KIAA1755: variants seen among roughly 807,000 people sequenced by gnomAD.
KIAA1755 encodes the protein KIAA1755.
KIAA1755 carries 68 observed loss-of-function variants against 91.7 expected under a neutral mutation model. The observed-to-expected ratio is 0.74, with a 90% CI of 0.61 to 0.91. The LOEUF (loss-of-function observed/expected upper bound fraction) is 0.91. KIAA1755 is among the 40% of genes least tolerant of loss of function. The pLI is 0.00. For missense variants in KIAA1755, 1,535 were observed against 1,494.4 expected (o/e 1.03, Z -0.45); for synonymous variants, 610 against 604.6 (o/e 1.01, Z -0.13).
chr20:38,222,848 TGCCCTCTG>T, intron 9 of KIAA1755: 1 of 577,306 alleles, frequency 1.7e-6, no homozygotes, highest in Non-Finnish European at 3.1e-6. Flanking sequence ...ATCTCCCTGC[TGCCCTCTG>T]GCTCCCCCTA....
intron 7 of KIAA1755, 49 bp from the exon 8 acceptor site, chr20:38,225,830 C>G: frequency 8.4e-7 from 1 of 1,187,534 alleles, no homozygotes; most frequent in South Asian, 1.5e-5. Context: ...TGAGGACAGT[C>G]ATTTTAGAAG....
chr20:38,241,837 G>A lies in KIAA1755; in HGVS notation c.294C>T (p.Leu98=). The A allele has an allele frequency of 6.2e-7, 1 of 1,614,188 alleles. No homozygotes were observed. Among genetic ancestry groups the A allele is most frequent in the Non-Finnish European group, 8.5e-7 (1 of 1,180,032 alleles). ...GGTAGAAGTCACCCTGGCGCAATAAGAGAGGGTTGAGGGGTGCCAAGTGGA... is the reference window on the plus strand; with the variant it reads ...GGTAGAAGTCACCCTGGCGCAATAAAAGAGGGTTGAGGGGTGCCAAGTGGA... ...VVVHLAPLNP[L]LLRQGDFYLQ... is the part of the protein sequence containing the mutation. Residue 98 remains leucine, a synonymous_variant, in exon 3 of 14, where the codon CTC becomes CTT. Transcript: ENST00000279024.
At chr20:38,236,806 T>C (rs180763578) in intron 4 of KIAA1755, 1 of 152,198 alleles carries the variant, frequency 6.6e-6, no homozygotes, top group African/African-American at 2.4e-5. Context: ...CACAGACAAC[T>C]GCTTTGTGGA....
At chr20:38,246,232 C>T in intron 1 of KIAA1755, 106 bp from the exon 2 acceptor site, 1 of 889,712 alleles carries the variant, frequency 1.1e-6, no homozygotes, top group Non-Finnish European at 1.7e-6. Flanking sequence ...TGCTAATTCT[C>T]TGACCTCCTC....
At chr20:38,256,539 A>G (rs749246165) in intron 1 of KIAA1755, among the ~76,000 whole-genome samples, 1 of 152,180 alleles carries the variant, frequency 6.6e-6, no homozygotes, top group African/African-American at 2.4e-5. Flanking sequence ...GTGGCGACTC[A>G]TGCCTATAAT....
intron 4 of KIAA1755, among the ~76,000 whole-genome samples, chr20:38,238,056 T>C (rs894350234): frequency 2.0e-5 from 3 of 152,090 alleles, no homozygotes; most frequent in African/African-American, 7.2e-5. Context: ...CCTATCTGTC[T>C]ATTCTCCTCC....
rs746079183 is a variant in KIAA1755 at position 38,217,234 on chromosome 20, G to T, written c.2901+19C>A. On this transcript the variant is annotated intron_variant, in intron 13 of 13. Coordinates refer to ENST00000279024, the MANE Select transcript of KIAA1755 (RefSeq NM_001029864.2). ...CAGGGGATCGGGGGGTATCTGTGCA[G>T]GTGGGCCGCGGGGCTCACCCTCTTG... The T allele has an allele frequency of 2.1e-5, 33 of 1,574,822 alleles. No individual in the cohort carries two copies. Among genetic ancestry groups the T allele is most frequent in the Middle Eastern group, 1.7e-4 (1 of 5,902 alleles).
intron 1 of KIAA1755, among the ~76,000 whole-genome samples, chr20:38,249,605 C>G (rs1049724432): frequency 1.3e-5 from 2 of 152,134 alleles, no homozygotes; most frequent in Non-Finnish European, 2.9e-5. Flanking sequence ...GAATGAGTGT[C>G]CACAGCCCAT....
chr20:38,249,811 C>T (rs1220097046), intron 1 of KIAA1755, among the ~76,000 whole-genome samples: 4 of 152,034 alleles, frequency 2.6e-5, no homozygotes, highest in African/African-American at 7.2e-5. Context: ...CCAACCCCCA[C>T]CAATCATGGT....
rs558927140 is a variant in KIAA1755 at position 38,217,213 on chromosome 20, G to T, written c.2901+40C>A. On this transcript the variant is annotated intron_variant, in intron 13 of 13. Transcript: ENST00000279024. ...TGTCCCCACCATAGCCCCAGCCAGG[G>T]GATCGGGGGGTATCTGTGCAGGTGG... 805 of 1,518,972 alleles carry T rather than the reference G, an allele frequency of 5.3e-4. 10 individuals carry two copies. Among genetic ancestry groups the T allele is most frequent in the South Asian group, 5.2e-3 (438 of 84,088 alleles). The allele number at this position is 1,518,972 out of a possible 1,614,324, so 94.1% of individuals were successfully genotyped here. A position where few individuals can be genotyped will look rare whatever the true frequency, so the allele number is the denominator to read the frequency against.
chr20:38,213,321 C>T lies in KIAA1755; in HGVS notation c.3324G>A (p.Trp1108Ter), dbSNP rs776417747. 1 of 1,613,114 alleles carries T rather than the reference C, an allele frequency of 6.2e-7. No homozygotes were observed. The highest frequency in any genetic ancestry group is 1.1e-5 in the South Asian group (1 of 90,878). Residue 1108 changes from tryptophan (W) to a stop codon, truncating the protein, a stop_gained, in exon 14 of 14, where the codon TGG becomes TGA. Coordinates refer to ENST00000279024, the MANE Select transcript of KIAA1755 (RefSeq NM_001029864.2). LOFTEE classifies it low-confidence loss of function (END_TRUNC). ...LGMDHLPKSYWPPGPPRGEQN... is the reference protein window; with the variant it reads ...LGMDHLPKSY The stretch of plus-strand genomic sequence containing the variant: ...GTTCCCCTCTGGGGGGCCCAGGAGG[C>T]CAATAGGACTTTGGCAAATGGTCCA...
At chr20:38,236,074 G>A (rs548857108) in intron 4 of KIAA1755, among the ~76,000 whole-genome samples, 1 of 152,312 alleles carries the variant, frequency 6.6e-6, no homozygotes, top group Non-Finnish European at 1.5e-5. Flanking sequence ...CTTGGGTGGG[G>A]TGAAGTCAAC....
intron 1 of KIAA1755, 77 bp from the exon 2 acceptor site, chr20:38,246,203 C>T: frequency 1.6e-6 from 2 of 1,228,274 alleles, no homozygotes; most frequent in Non-Finnish European, 2.3e-6. Context: ...CCTTCCAGGC[C>T]CCATATGCCT....
rs1187059907 is a variant in KIAA1755 at position 38,246,046 on chromosome 20, G to A, written c.84C>T (p.Val28=). The A allele has an allele frequency of 1.9e-6, 3 of 1,614,186 alleles. No homozygotes were observed. The highest frequency in any genetic ancestry group is 1.7e-5 in the Admixed American group (1 of 60,026). ...YPPFEATAPT[V]LGQVFRLLDS... ...CCAGGAGACGGAACACCTGACCCAG[G>A]ACGGTGGGTGCTGTGGCCTCGAAAG... The change falls in exon 2 of 14, where the codon GTC becomes GTT. Residue 28 remains valine (V), a synonymous_variant. Transcript: ENST00000279024.
intron 4 of KIAA1755, 80 bp downstream of exon 4, chr20:38,239,448 C>A: frequency 3.8e-6 from 5 of 1,302,434 alleles, no homozygotes; most frequent in Non-Finnish European, 5.5e-6. Flanking sequence ...TCCCTGCCTC[C>A]CCTCCACCCA....
Position 38,228,243 on chromosome 20 carries a change from G to A in KIAA1755, c.1872-3C>T, listed in dbSNP as rs1031882933. 39 of 1,594,202 alleles carry A rather than the reference G, an allele frequency of 2.4e-5. No homozygotes were observed. The highest frequency in any genetic ancestry group is 3.2e-5 in the Non-Finnish European group (38 of 1,171,716). ...GCCCCTTGGCTTTATCTTCAGGCCT[G>A]TGGGTGGTAAACAGAATTGACAGTC... is the stretch of plus-strand genomic sequence containing the variant. On this transcript the variant is annotated splice_polypyrimidine_tract_variant and splice_region_variant and intron_variant, in intron 5 of 13. Coordinates refer to ENST00000279024, the MANE Select transcript of KIAA1755 (RefSeq NM_001029864.2).
chr20:38,239,842 C>T, intron 3 of KIAA1755, 117 bp from the exon 4 acceptor site: 1 of 976,634 alleles, frequency 1.0e-6, no homozygotes, highest in South Asian at 1.4e-5. Context: ...TGATCTCTCC[C>T]ATGTGCCAGG....
rs779350424 is a variant in KIAA1755 at position 38,222,439 on chromosome 20, A to T, written c.2417+10T>A. ...ATGGGGTGGAAGAGGAAAGGCCTGG[A>T]CGTCTGTACCTGACATCAGGGCTGA... On this transcript the variant is annotated intron_variant, in intron 10 of 13. Coordinates refer to ENST00000279024, the MANE Select transcript of KIAA1755 (RefSeq NM_001029864.2). 2 of 1,611,128 alleles carry T rather than the reference A, an allele frequency of 1.2e-6. No individual in the cohort carries two copies. Among genetic ancestry groups the T allele is most frequent in the Admixed American group, 1.7e-5 (1 of 59,932 alleles).
At chr20:38,227,953 G>A (rs1333346830) in intron 6 of KIAA1755, among the ~76,000 whole-genome samples, 194 bp downstream of exon 6, 3 of 152,214 alleles carry the variant, frequency 2.0e-5, no homozygotes, top group African/African-American at 7.2e-5. Flanking sequence ...GCTGGACTTG[G>A]CTCCTGGACT....
Sources: allele counts gnomAD v4.1 joint callset (sites outside exome capture counted in the v4.1 genomes callset), GRCh38; gene constraint gnomAD v4.1.1; transcripts MANE v1.5; gene names NCBI Gene and HGNC (gene_info 2026-07-23, HGNC 2026-07-21).